The following FNDC3B variants were observed in gnomAD, a reference collection of about 807,000 sequenced individuals.
FNDC3B encodes the protein fibronectin type III domain containing 3B, also known as fibronectin type III domain-containing protein 3B.
FNDC3B carries 12 observed loss-of-function variants against 151.5 expected under a neutral mutation model. The ratio of observed to expected loss-of-function variants is 0.08; its 90% CI spans 0.05 to 0.13. The LOEUF is 0.13. Among genes scored for constraint, FNDC3B ranks in the 10% least tolerant of loss-of-function variants. The probability of loss-of-function intolerance (pLI) is 1.00; values close to 1 mark genes in which losing one functional copy is unlikely to be tolerated. For synonymous variants in FNDC3B, 528 were observed against 549.0 expected, an observed-to-expected ratio of 0.96 and a Z score of 0.54; for missense variants, 1,214 against 1,505.3, an observed-to-expected ratio of 0.81 and a Z score of 3.20.
chr3:172,105,444 G>T (rs1719597766), intron 1 of FNDC3B, among the ~76,000 whole-genome samples: 1 of 152,040 alleles, frequency 6.6e-6, no homozygotes, highest in Non-Finnish European at 1.5e-5. Context: ...TTTTACAAGA[G>T]TATGTAGAGT....
intron 1 of FNDC3B, among the ~76,000 whole-genome samples, chr3:172,081,303 G>A (rs1300704173): frequency 2.0e-5 from 3 of 151,652 alleles, no homozygotes; most frequent in African/African-American, 2.4e-5. Flanking sequence ...CCTTGGTGTC[G>A]GTGGCATTTC....
In FNDC3B at chr3:172,244,747, C is replaced by T. The variant is rs1241672002; in HGVS notation, c.265-2786C>T. On this transcript the variant is annotated intron_variant, in intron 4 of 25. Coordinates refer to ENST00000415807, the MANE Select transcript of FNDC3B (RefSeq NM_022763.4). Reference sequence around the variant, plus strand: ...TCAAGCAATTCCCCTGCTTCAGCCTCCTGAGTAGCTGGGACTACAGGTCCA... The same window carrying T: ...TCAAGCAATTCCCCTGCTTCAGCCTTCTGAGTAGCTGGGACTACAGGTCCA... 2.2e-4 allele frequency among the ~76,000 whole-genome samples: 33 copies of T among 150,690 alleles called. No homozygotes were observed. In the Admixed American group the frequency reaches 2.2e-3, roughly 10 times the overall value.
chr3:172,063,915 G>C (rs761402435), intron 1 of FNDC3B, among the ~76,000 whole-genome samples: 1 of 152,106 alleles, frequency 6.6e-6, no homozygotes, highest in Non-Finnish European at 1.5e-5. Context: ...GTGTTAAGAG[G>C]TGGGGCCTTT....
At chr3:172,391,078 G>A (rs1261017434) in intron 25 of FNDC3B, among the ~76,000 whole-genome samples, 1 of 152,048 alleles carries the variant, frequency 6.6e-6, no homozygotes, top group East Asian at 1.9e-4. Flanking sequence ...GGTGAGGGTC[G>A]GTGTTTGATT....
intron 11 of FNDC3B, among the ~76,000 whole-genome samples, chr3:172,318,805 G>C (rs1481991941): frequency 2.0e-5 from 3 of 152,148 alleles, no homozygotes; most frequent in Non-Finnish European, 4.4e-5. Flanking sequence ...GTTCATTTTG[G>C]CTCTGTCCAT....
intron 3 of FNDC3B, among the ~76,000 whole-genome samples, chr3:172,157,907 G>T (rs935925230): frequency 6.6e-6 from 1 of 152,132 alleles, no homozygotes; most frequent in African/African-American, 2.4e-5. Flanking sequence ...CAACGTGATG[G>T]TATTAAGAGG....
At chr3:172,345,083 G>A (rs915152323) in intron 19 of FNDC3B, among the ~76,000 whole-genome samples, 4 of 152,164 alleles carry the variant, frequency 2.6e-5, no homozygotes, top group African/African-American at 7.2e-5. Context: ...AACTTGCAGT[G>A]ACTTTTTGTT....
chr3:172,095,866 C>T (rs551713454), intron 1 of FNDC3B, among the ~76,000 whole-genome samples: 1 of 152,104 alleles, frequency 6.6e-6, no homozygotes, highest in Non-Finnish European at 1.5e-5. Flanking sequence ...TCCTTGTTAA[C>T]CTGTTATTTC....
chr3:172,360,607 G>T (rs568052917), intron 22 of FNDC3B, among the ~76,000 whole-genome samples: 1 of 152,168 alleles, frequency 6.6e-6, no homozygotes, highest in Admixed American at 6.5e-5. Flanking sequence ...AAAGTTTTGT[G>T]TAAGGTGTGA....
At chr3:172,312,724 A>G (rs1553787917) in intron 11 of FNDC3B, among the ~76,000 whole-genome samples, 1 of 151,960 alleles carries the variant, frequency 6.6e-6, no homozygotes, top group Non-Finnish European at 1.5e-5. Context: ...GTGAGTTCCT[A>G]AGTTAAGGAA....
chr3:172,193,061 C>G (rs1373307812), intron 3 of FNDC3B, among the ~76,000 whole-genome samples: 1 of 151,596 alleles, frequency 6.6e-6, no homozygotes, highest in African/African-American at 2.4e-5. Context: ...TCCTATCTCT[C>G]CAAATCTGTC....
At chr3:172,209,920 T>C (rs1028838643) in intron 3 of FNDC3B, among the ~76,000 whole-genome samples, 1 of 152,324 alleles carries the variant, frequency 6.6e-6, no homozygotes, top group Non-Finnish European at 1.5e-5. Context: ...GGGGCTGACA[T>C]GTCAGTGCTG....
chr3:172,361,567 A>G (rs1453975880), intron 22 of FNDC3B, among the ~76,000 whole-genome samples: 1 of 152,010 alleles, frequency 6.6e-6, no homozygotes, highest in Non-Finnish European at 1.5e-5. Context: ...CATGGCCTTC[A>G]CTGCCCATAT....
At chr3:172,077,332 A>C (rs1356824804) in intron 1 of FNDC3B, among the ~76,000 whole-genome samples, 1 of 152,182 alleles carries the variant, frequency 6.6e-6, no homozygotes, top group Non-Finnish European at 1.5e-5. Context: ...AGATGTAAAT[A>C]TATTTCTAAC....
chr3:172,379,586 T>C (rs777440713), intron 24 of FNDC3B, among the ~76,000 whole-genome samples: 2 of 152,230 alleles, frequency 1.3e-5, no homozygotes, highest in Non-Finnish European at 2.9e-5. Flanking sequence ...GACTAAGACA[T>C]GAGTATGAAT....
chr3:172,160,356 C>T (rs1486875900), intron 3 of FNDC3B, among the ~76,000 whole-genome samples: 4 of 152,192 alleles, frequency 2.6e-5, no homozygotes, highest in African/African-American at 9.7e-5. Flanking sequence ...TTGCATTTCC[C>T]TTGGCTCCCT....
intron 1 of FNDC3B, among the ~76,000 whole-genome samples, chr3:172,107,965 C>T (rs575399267): frequency 1.3e-4 from 20 of 152,098 alleles, no homozygotes; most frequent in African/African-American, 4.8e-4. Context: ...GTCAGGAGTT[C>T]GAGACCAGCT....
At chr3:172,121,036 T>G (rs111581374) in intron 2 of FNDC3B, among the ~76,000 whole-genome samples, 128 of 152,290 alleles carry the variant, frequency 8.4e-4, no homozygotes, top group African/African-American at 2.9e-3. Flanking sequence ...TGGCAACAAT[T>G]GGCACAGAAG....
chr3:172,186,920 C>A, intron 3 of FNDC3B: 1 of 533,736 alleles, frequency 1.9e-6, no homozygotes, highest in Non-Finnish European at 3.3e-6. Context: ...TTACCATCAA[C>A]AATGTGATTC....
Sources: allele counts gnomAD v4.1 joint callset (sites outside exome capture counted in the v4.1 genomes callset), GRCh38; gene constraint gnomAD v4.1.1; transcripts MANE v1.5; gene names NCBI Gene and HGNC (gene_info 2026-07-23, HGNC 2026-07-21).